The following PCDHGB2 variants were observed in gnomAD, a reference collection of about 807,000 sequenced individuals.
PCDHGB2 encodes protocadherin gamma-B2.
In PCDHGB2, 55 loss-of-function variants were observed where a neutral mutation model predicts 59.3. That is an observed-to-expected ratio of 0.93 (90% CI 0.75 to 1.16). The LOEUF (loss-of-function observed/expected upper bound fraction) is 1.16, where lower values mean the gene tolerates loss of function less well. Ranked by LOEUF, PCDHGB2 falls within the 50% of genes most tolerant of loss-of-function variation. The pLI is 0.00. For missense variants in PCDHGB2, 1,228 were observed against 1,198.5 expected, an observed-to-expected ratio of 1.02 and a Z score of -0.36; for synonymous variants, 516 against 512.0, an observed-to-expected ratio of 1.01 and a Z score of -0.11.
At chr5:141,415,285 G>A (rs1561755891) in intron 1 of PCDHGB2, 3 of 1,614,216 alleles carry the variant, frequency 1.9e-6, no homozygotes, top group Non-Finnish European at 2.5e-6. Context: ...GGTGGCCGCG[G>A]TCTCCTGCGT....
intron 1 of PCDHGB2, among the ~76,000 whole-genome samples, chr5:141,438,002 A>G (rs200179547): frequency 1.3e-5 from 2 of 152,072 alleles, no homozygotes; most frequent in East Asian, 1.9e-4. Flanking sequence ...CAGCCTCCCA[A>G]ATAGCTGAGA....
chr5:141,366,872 A>C (rs1764836796), intron 1 of PCDHGB2: 2 of 1,396,140 alleles, frequency 1.4e-6, no homozygotes, highest in Admixed American at 2.4e-5. Flanking sequence ...GCTGTATTGG[A>C]GATTAATTTT....
chr5:141,436,487 A>G (rs2097826897), intron 1 of PCDHGB2, among the ~76,000 whole-genome samples: 2 of 152,196 alleles, frequency 1.3e-5, no homozygotes, highest in Non-Finnish European at 2.9e-5. Context: ...GAAGGATAGC[A>G]GCTTTGCAAT....
rs994726301 is a variant in PCDHGB2, at chr5:141,476,632, T to C, written c.2422-18175T>C. ...TGGGAAGCAACTCTTTACAAACCTA[T>C]GAGCTGAGCCGAAATGAATACTTTG... On this transcript the variant is annotated intron_variant, in intron 1 of 3. Transcript: ENST00000522605. The surrounding 1 kb of genome is among the most constrained non-coding windows in gnomAD (Gnocchi z 7.6). The C allele has an allele frequency of 8.7e-6, 14 of 1,614,098 alleles. No homozygotes were observed. Among genetic ancestry groups the C allele is most frequent in the Admixed American group, 1.7e-5 (1 of 60,016 alleles).
At chr5:141,382,654 A>G in intron 1 of PCDHGB2, 1 of 413,618 alleles carries the variant, frequency 2.4e-6, no homozygotes, top group Non-Finnish European at 4.3e-6. Flanking sequence ...CTTAGTAAGG[A>G]CTCACAGCGC....
chr5:141,413,425 C>T, intron 1 of PCDHGB2: 1 of 1,614,098 alleles, frequency 6.2e-7, no homozygotes, highest in Non-Finnish European at 8.5e-7. Flanking sequence ...TCTGAACCCG[C>T]GCAGCGGCAG....
intron 1 of PCDHGB2, chr5:141,372,751 C>A (rs775212888): frequency 3.7e-6 from 6 of 1,613,192 alleles, no homozygotes; most frequent in Non-Finnish European, 4.2e-6. Flanking sequence ...GATGAAGCCT[C>A]TTGGTTTGAA....
chr5:141,465,348 A>G (rs886810999), intron 1 of PCDHGB2, among the ~76,000 whole-genome samples: 2 of 152,158 alleles, frequency 1.3e-5, no homozygotes, highest in African/African-American at 4.8e-5. Flanking sequence ...GTTACTGAAG[A>G]AAAAATGGGT....
At chr5:141,371,891 G>A (rs771271665) in intron 1 of PCDHGB2, 3 of 1,613,446 alleles carry the variant, frequency 1.9e-6, no homozygotes, top group Non-Finnish European at 2.5e-6. Flanking sequence ...TGGAGCCGCG[G>A]GAGCTGTCGT....
chr5:141,454,917 C>T (rs1185153715), intron 1 of PCDHGB2, among the ~76,000 whole-genome samples: 1 of 149,330 alleles, frequency 6.7e-6, no homozygotes, highest in Non-Finnish European at 1.5e-5. Flanking sequence ...ACGCCATTCT[C>T]CTGCCTCAGC....
rs1412247634 is a variant in PCDHGB2, at chr5:141,391,586, A to AAT, written c.2421+29034_2421+29035dup. 2.0e-5 allele frequency: 3 copies of AAT among 152,352 alleles called. No homozygotes were observed. In the South Asian group the frequency reaches 6.2e-4, roughly 32 times the overall value. The allele number at this position is 152,352 out of a possible 1,614,324, so 9.4% of individuals were successfully genotyped here. ...GCATAAGAAAATATATTCACAGGAA[A>AAT]ATATAAAGTTTTCAGATTTCATGAG... On this transcript the variant is annotated intron_variant, in intron 1 of 3. Coordinates refer to ENST00000522605, the MANE Select transcript of PCDHGB2 (RefSeq NM_018923.3).
chr5:141,410,175 C>T (rs202065305), intron 1 of PCDHGB2: 5 of 1,613,752 alleles, frequency 3.1e-6, no homozygotes, highest in Non-Finnish European at 8.5e-7. Flanking sequence ...TCTGCCACCG[C>T]CACGCTTCAT....
Position 141,361,064 on chromosome 5 carries a change from A to G in PCDHGB2, c.929A>G (p.Glu310Gly). 3 of 1,613,918 alleles carry G rather than the reference A, an allele frequency of 1.9e-6. No individual in the cohort carries two copies. Among genetic ancestry groups the G allele is most frequent in the Non-Finnish European group, 2.5e-6 (3 of 1,179,836 alleles). The change falls in exon 1 of 4, where the codon GAG becomes GGG. Residue 310 changes from glutamate to glycine, a missense_variant. This residue lies in a region of PCDHGB2 where 781 missense variants were observed against 721.6 expected (regional missense o/e 1.08). Coordinates refer to ENST00000522605, the MANE Select transcript of PCDHGB2 (RefSeq NM_018923.3). ...EITTKDDLDF[E>G]IASSYTLSIE... Reference sequence around the variant, plus strand: ...ACGACAAAGGATGATTTGGATTTTGAGATTGCAAGTAGTTACACTCTGAGT... The same window carrying G: ...ACGACAAAGGATGATTTGGATTTTGGGATTGCAAGTAGTTACACTCTGAGT...
intron 1 of PCDHGB2, chr5:141,398,805 T>C: frequency 1.2e-6 from 2 of 1,613,964 alleles, no homozygotes; most frequent in Non-Finnish European, 1.7e-6. Flanking sequence ...GCGGCACCAC[T>C]GAGCTCCGGA....
At position 141,361,169 on chromosome 5, in the gene PCDHGB2, C is replaced by T. The variant is rs1761915168; in HGVS notation, c.1034C>T (p.Pro345Leu). 1.9e-6 allele frequency: 3 copies of T among 1,613,908 alleles called. No homozygotes were observed. The East Asian group carries it at 6.7e-5, about 36-fold the overall frequency. Residue 345 changes from proline (P) to leucine (L), a missense_variant, in exon 1 of 4, where the codon CCT becomes CTT. This residue lies in a region of PCDHGB2 where 781 missense variants were observed against 721.6 expected (regional missense o/e 1.08). Coordinates refer to ENST00000522605, the MANE Select transcript of PCDHGB2 (RefSeq NM_018923.3). The part of the protein sequence containing the change: ...VEILDDNDCA[P>L]EVIVTSVSTP... ...ATTCTTGATGACAACGATTGTGCAC[C>T]TGAAGTTATTGTGACTTCAGTATCT...
chr5:141,409,178 G>A, intron 1 of PCDHGB2: 1 of 1,613,994 alleles, frequency 6.2e-7, no homozygotes, highest in Non-Finnish European at 8.5e-7. Context: ...GGACGGAGGT[G>A]GTCTCTCTAC....
rs1594492695 is a variant in PCDHGB2 at position 141,485,536 on chromosome 5, A to G, written c.2422-9271A>G. On this transcript the variant is annotated intron_variant, in intron 1 of 3. Transcript: ENST00000522605. The surrounding 1 kb of genome is among the most constrained non-coding windows in gnomAD (Gnocchi z 5.7). ...CTTTGGAAATGTACCGAGCAGAGGTAGAGATCGTAGATGTGAATGATCACG... is the reference window on the plus strand; with the variant it reads ...CTTTGGAAATGTACCGAGCAGAGGTGGAGATCGTAGATGTGAATGATCACG... 3 of 1,613,976 alleles carry G rather than the reference A, an allele frequency of 1.9e-6. No homozygotes were observed. The highest frequency in any genetic ancestry group is 2.5e-6 in the Non-Finnish European group (3 of 1,179,946).
chr5:141,390,354 A>C (rs1031121162), intron 1 of PCDHGB2: 21 of 1,553,066 alleles, frequency 1.4e-5, no homozygotes, highest in Non-Finnish European at 1.6e-5. Context: ...AAATATACAT[A>C]TTTGCAGGAA....
At chr5:141,419,886 G>C (rs1195529127) in intron 1 of PCDHGB2, 1 of 1,614,076 alleles carries the variant, frequency 6.2e-7, no homozygotes, top group Non-Finnish European at 8.5e-7. Context: ...CCGGATTTCA[G>C]CGACCATCCC....
Sources: gnomAD v4.1 joint callset for allele counts (sites outside exome capture counted in the v4.1 genomes callset) on GRCh38, gnomAD v4.1.1 for gene constraint, gnomAD v4.1.1 regional missense constraint, Gnocchi (gnomAD v3.1) non-coding constraint, MANE v1.5 for transcripts, NCBI Gene and HGNC (gene_info 2026-07-23, HGNC 2026-07-21) for gene names.